The following GNAO1 variants were observed in gnomAD, a reference collection of about 807,000 sequenced individuals.
GNAO1 encodes the protein guanine nucleotide-binding protein G(o) subunit alpha.
For missense variants in GNAO1, 166 were observed against 478.7 expected (o/e 0.35, Z 6.10); for synonymous variants, 164 against 180.7 (o/e 0.91, Z 0.74).
chr16:56,311,519 T>G lies in GNAO1; in HGVS notation c.304-17112T>G, dbSNP rs75118177. On this transcript the variant is annotated intron_variant, in intron 3 of 8. Transcript: ENST00000262493. The surrounding 1 kb of genome is among the most constrained non-coding windows in gnomAD (Gnocchi z 5.2). ...GCTAAGTAGAGGCCATGCACCCTGA[T>G]CCCAGACCTCAGAGAAAAACTGTTG... 9.9e-3 allele frequency among the ~76,000 whole-genome samples: 1,503 copies of G among 152,276 alleles called. 25 individuals are homozygous for G. Among genetic ancestry groups the G allele is most frequent in the African/African-American group, 0.034 (1,392 of 41,536 alleles).
chr16:56,353,038 TATTC>T (rs1280108237), intron 7 of GNAO1: 2 of 152,674 alleles, frequency 1.3e-5, no homozygotes, highest in African/African-American at 4.8e-5. Context: ...CCATTGGTAT[TATTC>T]AGAGGATGGA....
At chr16:56,192,476 C>A in intron 1 of GNAO1, 98 bp from the exon 2 acceptor site, 1 of 930,288 alleles carries the variant, frequency 1.1e-6, no homozygotes, top group East Asian at 2.5e-5. Flanking sequence ...ACCATGTGCC[C>A]AGGATCGCCC....
At chr16:56,195,698 C>T (rs1376609080) in intron 2 of GNAO1, among the ~76,000 whole-genome samples, 1 of 152,180 alleles carries the variant, frequency 6.6e-6, no homozygotes, top group Non-Finnish European at 1.5e-5. Context: ...TGTGATAACC[C>T]AGTGATTTCC....
intron 3 of GNAO1, among the ~76,000 whole-genome samples, chr16:56,295,281 T>TC (rs2143569502): frequency 6.6e-6 from 1 of 152,276 alleles, no homozygotes; most frequent in African/African-American, 2.4e-5. Context: ...CAGTCCTGGG[T>TC]CCAAGTCCCA....
intron 3 of GNAO1, among the ~76,000 whole-genome samples, chr16:56,313,002 G>A (rs2037475115): frequency 6.6e-6 from 1 of 152,242 alleles, no homozygotes; most frequent in African/African-American, 2.4e-5. Flanking sequence ...GCCTTCTACA[G>A]GCAGGGGATC....
In GNAO1 at chr16:56,269,298, G is replaced by GCTC. The variant is rs1175426774; in HGVS notation, c.162-6612_162-6610dup. 2.2e-3 allele frequency among the ~76,000 whole-genome samples: 331 copies of GCTC among 151,604 alleles called. 2 individuals carry two copies. The highest frequency in any genetic ancestry group is 7.7e-3 in the African/African-American group (317 of 41,392). ...GTTAACCCTTGCTGCTGTTGTTGCT[G>GCTC]CTCCTCCTCCTCCTCCTCCTCCTGA... is the stretch of plus-strand genomic sequence containing the variant. On this transcript the variant is annotated intron_variant, in intron 2 of 8. Transcript: ENST00000262493.
intron 3 of GNAO1, among the ~76,000 whole-genome samples, chr16:56,291,474 G>C (rs571337449): frequency 1.3e-5 from 2 of 152,176 alleles, no homozygotes; most frequent in East Asian, 3.8e-4. Context: ...CGGTTAAGTT[G>C]TAAGAGTCCT....
In GNAO1 at chr16:56,347,327, C is replaced by A. The variant is rs1254844809; in HGVS notation, c.724-4057C>A. 1.1e-5 allele frequency: 11 copies of A among 985,370 alleles called. No individual in the cohort carries two copies. The African/African-American group carries it at 1.7e-4, about 16-fold the overall frequency. The allele number at this position is 985,370 out of a possible 1,614,324, so 61.0% of individuals were successfully genotyped here. On this transcript the variant is annotated intron_variant, in intron 6 of 8. Transcript: ENST00000262493. ...AGTGTGCAGTGCCGAAGGCAGTCAC[C>A]CCCAGGCAGTTCCTGCTGTCAGGCC...
intron 2 of GNAO1, among the ~76,000 whole-genome samples, chr16:56,256,712 CTCTCTCTGTGTGTGTGTG>C (rs776082439): frequency 2.8e-4 from 32 of 115,922 alleles, no homozygotes; most frequent in Non-Finnish European, 4.8e-4. Flanking sequence ...CTCTCTCTCT[CTCTCTCTGTGTGTGTGTG>C]TGTGTGTGTG....
chr16:56,336,906 G>A lies in GNAO1; in HGVS notation c.723+46G>A, dbSNP rs377573101. The stretch of plus-strand genomic sequence containing the variant: ...GGGCAGGGGGCAGCGCTGAGGAGAC[G>A]GCCGCAGGATAGGCCAGCCCTCTGA... On this transcript the variant is annotated intron_variant, in intron 6 of 8. Coordinates refer to ENST00000262493, the MANE Select transcript of GNAO1 (RefSeq NM_020988.3). The A allele has an allele frequency of 1.2e-4, 196 of 1,569,016 alleles. No homozygotes were observed. The South Asian group carries it at 1.5e-3, about 12-fold the overall frequency.
chr16:56,303,980 C>T (rs1345013813), intron 3 of GNAO1, among the ~76,000 whole-genome samples: 1 of 152,092 alleles, frequency 6.6e-6, no homozygotes, highest in Non-Finnish European at 1.5e-5. Context: ...TTCTAACCCC[C>T]TACTTCATTG....
intron 2 of GNAO1, among the ~76,000 whole-genome samples, chr16:56,242,741 A>G (rs2036706087): frequency 6.6e-6 from 1 of 152,264 alleles, no homozygotes; most frequent in African/African-American, 2.4e-5. Context: ...GACTTTGGCA[A>G]AGCATTCTTA....
intron 5 of GNAO1, 104 bp from the exon 6 acceptor site, chr16:56,336,627 C>A: frequency 9.5e-7 from 1 of 1,052,800 alleles, no homozygotes. Flanking sequence ...AGGCTCTGAG[C>A]ACCATGGCCC....
At chr16:56,275,771 G>GCTTTTTC (rs2037056010) in intron 2 of GNAO1, among the ~76,000 whole-genome samples, 160 bp from the exon 3 acceptor site, 1 of 152,136 alleles carries the variant, frequency 6.6e-6, no homozygotes, top group African/African-American at 2.4e-5. Context: ...AATTTAGGTA[G>GCTTTTTC]CTTTTTCCTT....
At chr16:56,271,232 T>C (rs2037014453) in intron 2 of GNAO1, 1 of 152,268 alleles carries the variant, frequency 6.6e-6, no homozygotes, top group African/African-American at 2.4e-5. Flanking sequence ...ACCAGCTGTA[T>C]GTCGAGTAAG....
intron 2 of GNAO1, among the ~76,000 whole-genome samples, chr16:56,203,820 CACCA>C (rs2036301893): frequency 6.6e-6 from 1 of 152,160 alleles, no homozygotes; most frequent in Non-Finnish European, 1.5e-5. Flanking sequence ...TTCAGGACAC[CACCA>C]GGGAGTAGTG....
At position 56,305,818 on chromosome 16, in the gene GNAO1, G is replaced by A. The variant is rs577338514; in HGVS notation, c.304-22813G>A. On this transcript the variant is annotated intron_variant, in intron 3 of 8. Coordinates refer to ENST00000262493, the MANE Select transcript of GNAO1 (RefSeq NM_020988.3). ...GCCTCTGCTCCTTGGCTTGTAGATG[G>A]CTGTTTTCTCCCCATCTTCACATGG... Among the ~76,000 whole-genome samples the A allele has an allele frequency of 2.0e-5, 3 of 152,300 alleles. No homozygotes were observed. In the South Asian group the frequency reaches 6.2e-4, roughly 32 times the overall value.
Position 56,326,879 on chromosome 16 carries a change from G to A in GNAO1, c.304-1752G>A, listed in dbSNP as rs577056838. 6.6e-6 allele frequency among the ~76,000 whole-genome samples: 1 copy of A among 152,338 alleles called. No homozygotes were observed. The highest frequency in any genetic ancestry group is 2.1e-4 in the South Asian group (1 of 4,830). On this transcript the variant is annotated intron_variant, in intron 3 of 8. Transcript: ENST00000262493. This position sits in a 1 kb window ranked among gnomAD's most constrained non-coding sequence, Gnocchi z 4.8. ...TCCTGGGCAAGGCCACTTCAGCTGTGGTCTAGACCCCTCTACCAGGCCCTG... is the reference window on the plus strand; with the variant it reads ...TCCTGGGCAAGGCCACTTCAGCTGTAGTCTAGACCCCTCTACCAGGCCCTG...
At chr16:56,235,378 C>T (rs1393957789) in intron 2 of GNAO1, 8 of 455,890 alleles carry the variant, frequency 1.8e-5, no homozygotes, top group African/African-American at 8.0e-5. Flanking sequence ...GCAGGGACTA[C>T]AAGGAGGTAG....
Sources: allele counts gnomAD v4.1 joint callset (sites outside exome capture counted in the v4.1 genomes callset), GRCh38; gene constraint gnomAD v4.1.1; non-coding constraint Gnocchi (gnomAD v3.1); transcripts MANE v1.5; gene names NCBI Gene and HGNC (gene_info 2026-07-23, HGNC 2026-07-21).